The following GFOD2 variants were observed in gnomAD, a reference collection of about 807,000 sequenced individuals.
The protein encoded by GFOD2 is glucose-fructose oxidoreductase domain-containing protein 2.
A neutral mutation model predicts 24.6 loss-of-function variants in GFOD2; 9 were observed. The ratio of observed to expected loss-of-function variants is 0.37; its 90% confidence interval spans 0.22 to 0.64. The LOEUF (loss-of-function observed/expected upper bound fraction) is 0.64. Among genes scored for constraint, GFOD2 ranks in the 30% least tolerant of loss-of-function variants. GFOD2 has a pLI of 0.65. For missense variants in GFOD2, 476 were observed against 532.5 expected (o/e 0.89, Z 1.04); for synonymous variants, 211 against 224.8 (o/e 0.94, Z 0.55).
In GFOD2 at chr16:67,675,982, G is replaced by A. The variant is rs769645322; in HGVS notation, c.331C>T (p.Arg111Cys). The A allele has an allele frequency of 8.1e-6, 13 of 1,614,070 alleles. No individual in the cohort carries two copies. Among genetic ancestry groups the A allele is most frequent in the African/African-American group, 4.0e-5 (3 of 74,928 alleles). Reference protein sequence around the residue: ...VDAFRMVTASRYYPQLMSLVG... With the variant: ...VDAFRMVTASCYYPQLMSLVG... ...AGGCTCATGAGCTGCGGGTAGTAGC[G>A]CGAGGCTGTCACCATCCGGAAGGCA... The change falls in exon 3 of 3, where the codon CGC (arginine) becomes TGC (cysteine). Residue 111 changes from arginine (R) to cysteine (C), a missense_variant. By Grantham distance (180) the Arg-to-Cys change is radical (BLOSUM62 -3). Coordinates refer to ENST00000268797, the MANE Select transcript of GFOD2 (RefSeq NM_030819.4).
intron 2 of GFOD2, chr16:67,681,380 G>A: frequency 1.0e-6 from 1 of 985,370 alleles, no homozygotes; most frequent in Non-Finnish European, 1.2e-6. Flanking sequence ...CTCAAGAGGT[G>A]AGGAAAGAGG....
chr16:67,687,476 T>A (rs1030569864), intron 1 of GFOD2, among the ~76,000 whole-genome samples: 16 of 150,756 alleles, frequency 1.1e-4, no homozygotes, highest in African/African-American at 3.9e-4. Context: ...CTGTCTCTAC[T>A]AAAAAATACA....
At chr16:67,684,646 G>C in intron 2 of GFOD2, 1 of 610,218 alleles carries the variant, frequency 1.6e-6, no homozygotes, top group Non-Finnish European at 2.0e-6. Flanking sequence ...CAGTGAGCCG[G>C]GATTGCGCCA....
intron 1 of GFOD2, among the ~76,000 whole-genome samples, chr16:67,702,890 G>A (rs1249685336): frequency 6.6e-6 from 1 of 151,970 alleles, no homozygotes; most frequent in African/African-American, 2.4e-5. Context: ...AAGACACTGC[G>A]CCCGGCCAGT....
chr16:67,699,711 T>C (rs1312773688), intron 1 of GFOD2, among the ~76,000 whole-genome samples: 2 of 151,504 alleles, frequency 1.3e-5, no homozygotes, highest in East Asian at 2.0e-4. Context: ...CTCAAACTCC[T>C]GGCCTCAAGC....
At chr16:67,702,719 C>T (rs1289664077) in intron 1 of GFOD2, among the ~76,000 whole-genome samples, 1 of 150,714 alleles carries the variant, frequency 6.6e-6, no homozygotes, top group African/African-American at 2.4e-5. Context: ...CCTGCCTCAA[C>T]CTCCCGAGTA....
In GFOD2 at chr16:67,712,066, C is replaced by A. The variant is rs1046362455; in HGVS notation, c.-88+7097G>T. 7.9e-5 allele frequency among the ~76,000 whole-genome samples: 12 copies of A among 152,152 alleles called. 1 individual carries two copies. Among genetic ancestry groups the A allele is most frequent in the Non-Finnish European group, 1.5e-4 (10 of 68,030 alleles). On this transcript the variant is annotated intron_variant, in intron 1 of 2. Coordinates refer to ENST00000268797, the MANE Select transcript of GFOD2 (RefSeq NM_030819.4). ...ATTGCTATATCCCTAGTGCCTAAAA[C>A]AAGGTCTGACATGTAGTTGGTGCTA...
chr16:67,706,074 C>T (rs1394584551), intron 1 of GFOD2, among the ~76,000 whole-genome samples: 4 of 150,734 alleles, frequency 2.7e-5, no homozygotes, highest in Non-Finnish European at 4.4e-5. Flanking sequence ...CCTCCGCCTC[C>T]GGGGTTCAAG....
Position 67,685,597 on chromosome 16 carries a change from T to G in GFOD2, c.119A>C (p.Glu40Ala), listed in dbSNP as rs1190605066. ...CATCTCCTCAGCAAGCTGCTTCGCCTCCTCCTCAGTCTTCCCCCACAGGGC... is the reference window on the plus strand; with the variant it reads ...CATCTCCTCAGCAAGCTGCTTCGCCGCCTCCTCAGTCTTCCCCCACAGGGC... ...VEALWGKTEE[E>A]AKQLAEEMNI... The change falls in exon 2 of 3, where the codon GAG becomes GCG. Residue 40 changes from glutamate to alanine, a missense_variant. Glu to Ala is a moderately radical substitution (Grantham distance 107, BLOSUM62 -1). Transcript: ENST00000268797. 1 of 1,614,040 alleles carries G rather than the reference T, an allele frequency of 6.2e-7. No individual in the cohort carries two copies. Among genetic ancestry groups the G allele is most frequent in the African/African-American group, 1.3e-5 (1 of 74,916 alleles).
intron 1 of GFOD2, among the ~76,000 whole-genome samples, chr16:67,700,648 G>A (rs148078414): frequency 0.029 from 4,413 of 151,742 alleles, 97 homozygotes; most frequent in Middle Eastern, 0.16. Flanking sequence ...TGAGGTAGAG[G>A]TTGCAGTGAA....
chr16:67,708,000 T>C (rs1217588872), intron 1 of GFOD2, among the ~76,000 whole-genome samples: 2 of 152,128 alleles, frequency 1.3e-5, no homozygotes. Flanking sequence ...CGGTGGTGGC[T>C]GAGGCGGAGG....
chr16:67,689,740 C>T (rs1219318118), intron 1 of GFOD2, among the ~76,000 whole-genome samples: 3 of 151,946 alleles, frequency 2.0e-5, no homozygotes, highest in Non-Finnish European at 4.4e-5. Flanking sequence ...TCACCACCAC[C>T]CTGGTGGATG....
chr16:67,705,643 ATGTACC>A (rs1170151324), intron 1 of GFOD2, among the ~76,000 whole-genome samples: 1 of 152,162 alleles, frequency 6.6e-6, no homozygotes, highest in Non-Finnish European at 1.5e-5. Context: ...CTTTTAAAAA[ATGTACC>A]TGTAATAGGC....
intron 1 of GFOD2, among the ~76,000 whole-genome samples, chr16:67,708,789 T>G (rs1472032180): frequency 1.3e-5 from 2 of 152,074 alleles, no homozygotes; most frequent in African/African-American, 4.8e-5. Context: ...CTCCACAGAC[T>G]TGATGCACAC....
chr16:67,695,534 G>GTTTTT (rs775681594), intron 1 of GFOD2, among the ~76,000 whole-genome samples: 1 of 132,538 alleles, frequency 7.5e-6, no homozygotes, highest in South Asian at 2.5e-4. Context: ...TTCTACTTAA[G>GTTTTT]TTTTTTTTTT....
At chr16:67,696,368 T>G (rs1356041609) in intron 1 of GFOD2, among the ~76,000 whole-genome samples, 1 of 151,458 alleles carries the variant, frequency 6.6e-6, no homozygotes. Flanking sequence ...CCAACTTAGA[T>G]GTCTCCTCTT....
intron 1 of GFOD2, among the ~76,000 whole-genome samples, chr16:67,696,875 T>G (rs1266362839): frequency 6.6e-6 from 1 of 152,232 alleles, no homozygotes; most frequent in Admixed American, 6.5e-5. Flanking sequence ...CCAGATGGCA[T>G]GAAGGCAGGC....
chr16:67,676,329 C>T, intron 2 of GFOD2: 1 of 402,146 alleles, frequency 2.5e-6, no homozygotes, highest in Non-Finnish European at 4.5e-6. Flanking sequence ...TGGGGTCCTC[C>T]TCTGTTGCCT....
chr16:67,699,322 A>C lies in GFOD2; in HGVS notation c.-87-13520T>G. Among the ~76,000 whole-genome samples the C allele has an allele frequency of 1.3e-5, 2 of 152,114 alleles. 1 individual carries two copies. Among genetic ancestry groups the C allele is most frequent in the Non-Finnish European group, 2.9e-5 (2 of 68,016 alleles). Reference sequence around the variant, plus strand: ...GCACCACTGGCACTCCAGCCTGGGCAACAGAGCAAGACTTCATCTCTAAAA... The same window carrying C: ...GCACCACTGGCACTCCAGCCTGGGCCACAGAGCAAGACTTCATCTCTAAAA... On this transcript the variant is annotated intron_variant, in intron 1 of 2. Coordinates refer to ENST00000268797, the MANE Select transcript of GFOD2 (RefSeq NM_030819.4).
Sources: allele counts gnomAD v4.1 joint callset (sites outside exome capture counted in the v4.1 genomes callset), GRCh38; gene constraint gnomAD v4.1.1; transcripts MANE v1.5; gene names NCBI Gene and HGNC (gene_info 2026-07-23, HGNC 2026-07-21).